GALNT17: variants seen among roughly 807,000 people sequenced by gnomAD.
GALNT17 encodes UDP-GalNAc:polypeptide N-acetylgalactosaminyltransferase-like 3.
A neutral mutation model predicts 63.7 loss-of-function variants in GALNT17; 29 were observed. The observed-to-expected ratio is 0.46, with a 90% CI of 0.34 to 0.62. The LOEUF is 0.62. GALNT17 is among the 20% of genes least tolerant of loss of function. The probability of loss-of-function intolerance (pLI) is 0.01; values close to 1 mark genes in which losing one functional copy is unlikely to be tolerated. For synonymous variants in GALNT17, 305 were observed against 318.3 expected, an observed-to-expected ratio of 0.96 and a Z score of 0.45; for missense variants, 603 against 799.6, an observed-to-expected ratio of 0.75 and a Z score of 2.97.
chr7:71,253,990 A>G (rs146414246), intron 1 of GALNT17, among the ~76,000 whole-genome samples: 14 of 152,298 alleles, frequency 9.2e-5, no homozygotes, highest in Middle Eastern at 3.4e-3. Flanking sequence ...GGAGGTCCTG[A>G]GAACATGTGC....
intron 5 of GALNT17, among the ~76,000 whole-genome samples, chr7:71,533,515 C>T (rs1031332690): frequency 2.0e-5 from 3 of 152,050 alleles, no homozygotes; most frequent in Non-Finnish European, 4.4e-5. Context: ...CTGGTGAGAG[C>T]CTGTTTTCCA....
rs549408843 is a variant in GALNT17 at position 71,332,225 on chromosome 7, A to G, written c.239-3325A>G. ...GTGTAGTCTCAAGTCCTGGATTGCA[A>G]TTTTTGCCCCTAGTTCTGAGCATAT... On this transcript the variant is annotated intron_variant, in intron 1 of 10. Coordinates refer to ENST00000333538, the MANE Select transcript of GALNT17 (RefSeq NM_022479.3). 7.9e-5 allele frequency among the ~76,000 whole-genome samples: 12 copies of G among 151,812 alleles called. No homozygotes were observed. The East Asian group carries it at 1.4e-3, about 17-fold the overall frequency.
At chr7:71,138,334 A>AG (rs397934771) in intron 1 of GALNT17, among the ~76,000 whole-genome samples, 1 of 151,606 alleles carries the variant, frequency 6.6e-6, no homozygotes, top group African/African-American at 2.4e-5. Context: ...AGAAAAAAAA[A>AG]TCATGTGGAA....
intron 6 of GALNT17, among the ~76,000 whole-genome samples, chr7:71,588,755 T>C: frequency 6.6e-6 from 1 of 152,116 alleles, no homozygotes; most frequent in Admixed American, 6.6e-5. Flanking sequence ...TTTTGTGTGG[T>C]AATTTGTGCC....
At chr7:71,271,599 G>T (rs903194408) in intron 1 of GALNT17, among the ~76,000 whole-genome samples, 16 of 152,200 alleles carry the variant, frequency 1.1e-4, no homozygotes, top group Admixed American at 9.8e-4. Flanking sequence ...ATTTACAGGC[G>T]ATAACATTCA....
At chr7:71,703,932 C>T (rs1791688577) in intron 9 of GALNT17, among the ~76,000 whole-genome samples, 1 of 152,080 alleles carries the variant, frequency 6.6e-6, no homozygotes, top group Non-Finnish European at 1.5e-5. Context: ...GCCCAGGACA[C>T]CAGGATAGGA....
intron 9 of GALNT17, among the ~76,000 whole-genome samples, chr7:71,686,935 TG>T (rs2117087063): frequency 6.6e-6 from 1 of 152,320 alleles, no homozygotes; most frequent in African/African-American, 2.4e-5. Flanking sequence ...AAACAGCTAC[TG>T]GCTGTAATGA....
At chr7:71,212,989 G>A (rs1789410533) in intron 1 of GALNT17, among the ~76,000 whole-genome samples, 1 of 152,076 alleles carries the variant, frequency 6.6e-6, no homozygotes, top group Non-Finnish European at 1.5e-5. Context: ...AGACTTTGGG[G>A]GACTGTTGGG....
At chr7:71,582,052 G>C (rs192558626) in intron 6 of GALNT17, among the ~76,000 whole-genome samples, 3 of 152,120 alleles carry the variant, frequency 2.0e-5, no homozygotes, top group African/African-American at 7.2e-5. Flanking sequence ...GTTATACCTG[G>C]TGGGAATGTA....
intron 1 of GALNT17, among the ~76,000 whole-genome samples, chr7:71,277,366 T>C (rs1196827832): frequency 1.3e-5 from 2 of 152,046 alleles, no homozygotes; most frequent in Non-Finnish European, 1.5e-5. Context: ...GGCATGAGGG[T>C]AGGAAAACCA....
intron 4 of GALNT17, among the ~76,000 whole-genome samples, chr7:71,417,581 C>T (rs1160465718): frequency 2.0e-5 from 3 of 152,174 alleles, no homozygotes; most frequent in Non-Finnish European, 4.4e-5. Flanking sequence ...CACTCAGTCC[C>T]CTGAAATCAG....
At chr7:71,214,760 TG>T (rs1789446783) in intron 1 of GALNT17, among the ~76,000 whole-genome samples, 1 of 152,032 alleles carries the variant, frequency 6.6e-6, no homozygotes, top group Admixed American at 6.6e-5. Flanking sequence ...GTATTTTTAG[TG>T]GAGATGGGGT....
At position 71,388,175 on chromosome 7, in the gene GALNT17, T is replaced by C. The variant is rs541411541; in HGVS notation, c.423-60T>C. 92 of 1,558,114 alleles carry C rather than the reference T, an allele frequency of 5.9e-5. No homozygotes were observed. In the South Asian group the frequency reaches 7.7e-4, roughly 13 times the overall value. On this transcript the variant is annotated intron_variant, in intron 2 of 10. Coordinates refer to ENST00000333538, the MANE Select transcript of GALNT17 (RefSeq NM_022479.3). ...GCTGAAATCTTACACTATGTCCAGC[T>C]GCAGTGCCTGAGCTTTTATCCTTCC... is the stretch of plus-strand genomic sequence containing the variant.
intron 1 of GALNT17, among the ~76,000 whole-genome samples, chr7:71,261,003 C>T (rs750319019): frequency 1.3e-5 from 2 of 152,214 alleles, no homozygotes; most frequent in Non-Finnish European, 2.9e-5. Flanking sequence ...GTCACACCGG[C>T]TCATCCTCCT....
intron 5 of GALNT17, among the ~76,000 whole-genome samples, chr7:71,528,068 G>A (rs1277894888): frequency 2.6e-5 from 4 of 152,192 alleles, no homozygotes; most frequent in Non-Finnish European, 4.4e-5. Context: ...TTCCAGGACA[G>A]GGAGCTTGTA....
At chr7:71,533,293 A>G (rs532129976) in intron 5 of GALNT17, among the ~76,000 whole-genome samples, 8 of 152,362 alleles carry the variant, frequency 5.3e-5, no homozygotes, top group Admixed American at 1.3e-4. Context: ...AGAGAAGACT[A>G]TGAGACGATG....
intron 1 of GALNT17, among the ~76,000 whole-genome samples, chr7:71,302,850 C>T (rs561427877): frequency 1.3e-5 from 2 of 152,052 alleles, no homozygotes; most frequent in East Asian, 1.9e-4. Flanking sequence ...GTGGATTAGG[C>T]GAGTCATATA....
intron 1 of GALNT17, among the ~76,000 whole-genome samples, chr7:71,152,572 A>G (rs1188810584): frequency 6.6e-6 from 1 of 151,820 alleles, no homozygotes; most frequent in Non-Finnish European, 1.5e-5. Flanking sequence ...GCCCCGGGGG[A>G]TCCTGATCCA....
At chr7:71,163,327 T>C (rs147745119) in intron 1 of GALNT17, among the ~76,000 whole-genome samples, 2 of 152,278 alleles carry the variant, frequency 1.3e-5, no homozygotes, top group Non-Finnish European at 1.5e-5. Flanking sequence ...TGTACTATTC[T>C]AGATCTAGGT....
Sources: allele counts gnomAD v4.1 joint callset (sites outside exome capture counted in the v4.1 genomes callset), GRCh38; gene constraint gnomAD v4.1.1; transcripts MANE v1.5; gene names NCBI Gene and HGNC (gene_info 2026-07-23, HGNC 2026-07-21).